Variants in DCDC2 observed in about 807,000 individuals in gnomAD.
The protein encoded by DCDC2 is doublecortin domain-containing protein 2.
Under a neutral mutation model 50.2 loss-of-function variants are expected in DCDC2, and 40 were observed. The observed-to-expected ratio is 0.80, with a 90% CI of 0.62 to 1.04. The LOEUF (loss-of-function observed/expected upper bound fraction) is 1.04. Ranked by LOEUF, DCDC2 falls within the 50% of genes least tolerant of loss-of-function variation. The pLI is 0.00. For synonymous variants in DCDC2, 234 were observed against 210.6 expected (o/e 1.11, Z -0.96); for missense variants, 570 against 581.9 (o/e 0.98, Z 0.21).
At chr6:24,359,603 GAGAA>G (rs1327818182), upstream of DCDC2, among the ~76,000 whole-genome samples, 2 of 127,372 alleles carry the variant, frequency 1.6e-5, no homozygotes, top group South Asian at 2.3e-4. Flanking sequence ...TATTCAGAGA[GAGAA>G]AGAGAGAATC....
the DCDC2 span, among the ~76,000 whole-genome samples, chr6:24,375,316 G>C: frequency 1.3e-5 from 2 of 152,052 alleles, no homozygotes. Context: ...CTTGCTGAGA[G>C]CCTATGAGGC....
the DCDC2 span, among the ~76,000 whole-genome samples, chr6:24,383,093 G>A: frequency 2.0e-5 from 3 of 152,076 alleles, no homozygotes; most frequent in Admixed American, 2.0e-4. Context: ...TTGGGAGGCC[G>A]AGGCAGTGGG....
chr6:24,281,958 T>C (rs1466076228), intron 6 of DCDC2, among the ~76,000 whole-genome samples: 2 of 152,178 alleles, frequency 1.3e-5, no homozygotes, highest in Non-Finnish European at 2.9e-5. Context: ...CTTTCTAATG[T>C]CCAAAGCACT....
At position 24,205,005 on chromosome 6, in the gene DCDC2, A is replaced by T; in HGVS notation, c.1020T>A (p.Asp340Glu). The T allele has an allele frequency of 6.2e-7, 1 of 1,613,116 alleles. No homozygotes were observed. The highest frequency in any genetic ancestry group is 8.5e-7 in the Non-Finnish European group (1 of 1,179,426). ...DEDTQVEVPVDQRPAEIVDEE... is the reference protein window; with the variant it reads ...DEDTQVEVPVEQRPAEIVDEE... ...TTTTTTAAGGCATGGAGATTACCTG[A>T]TCGACTGGAACCTCAACCTGAGTAT... Residue 340 changes from aspartate (D) to glutamate (E), a missense_variant, in exon 8 of 10, where the codon GAT (aspartate) becomes GAA (glutamate). Asp to Glu is a conservative substitution (Grantham distance 45). Coordinates refer to ENST00000378454, the MANE Select transcript of DCDC2 (RefSeq NM_016356.5).
intron 7 of DCDC2, among the ~76,000 whole-genome samples, chr6:24,231,429 T>C (rs1040207481): frequency 7.2e-5 from 11 of 152,180 alleles, no homozygotes; most frequent in African/African-American, 2.7e-4. Flanking sequence ...AAGCTGACTC[T>C]TTCTCTGGAA....
At chr6:24,181,544 G>A (rs1761072488) in intron 8 of DCDC2, among the ~76,000 whole-genome samples, 1 of 152,088 alleles carries the variant, frequency 6.6e-6, no homozygotes, top group Admixed American at 6.6e-5. Context: ...CACTAACAAT[G>A]AACAATCTGG....
intron 2 of DCDC2, among the ~76,000 whole-genome samples, chr6:24,346,463 C>T (rs1386502994): frequency 6.6e-6 from 1 of 152,036 alleles, no homozygotes; most frequent in African/African-American, 2.4e-5. Context: ...TGATAAATTT[C>T]ACCATACACA....
intron 5 of DCDC2, among the ~76,000 whole-genome samples, chr6:24,290,488 T>C (rs1430622834): frequency 6.6e-6 from 1 of 152,230 alleles, no homozygotes. Flanking sequence ...TGTTTTTATA[T>C]TTTACAGTTA....
chr6:24,243,942 G>T (rs746336226), intron 7 of DCDC2, among the ~76,000 whole-genome samples: 11 of 152,172 alleles, frequency 7.2e-5, no homozygotes, highest in Non-Finnish European at 1.5e-4. Context: ...CACGATTTTG[G>T]TTAATATTTC....
At chr6:24,334,191 C>A (rs1760016253) in intron 2 of DCDC2, among the ~76,000 whole-genome samples, 1 of 152,178 alleles carries the variant, frequency 6.6e-6, no homozygotes, top group Non-Finnish European at 1.5e-5. Context: ...AAGTATCATT[C>A]TCTTCTGAAG....
intron 7 of DCDC2, among the ~76,000 whole-genome samples, chr6:24,247,725 T>G (rs568717885): frequency 6.6e-6 from 1 of 152,010 alleles, no homozygotes; most frequent in South Asian, 2.1e-4. Context: ...AGCAACAGAG[T>G]ATGGAGGCAG....
rs147299488 is a variant in DCDC2, at chr6:24,326,809, T to C, written c.349-24765A>G. On this transcript the variant is annotated intron_variant, in intron 2 of 9. Transcript: ENST00000378454. ...GGGAGATCGAGGCTGAAGTGAGCCT[T>C]GATCATGCTACTGCACTCCAGCCTG... Among the ~76,000 whole-genome samples the C allele has an allele frequency of 1.3e-3, 195 of 146,604 alleles. 4 individuals carry two copies. Among genetic ancestry groups the C allele is most frequent in the African/African-American group, 4.2e-3 (172 of 40,794 alleles).
chr6:24,368,955 G>A, the DCDC2 span, among the ~76,000 whole-genome samples: 8 of 152,000 alleles, frequency 5.3e-5, no homozygotes, highest in Non-Finnish European at 8.8e-5. Flanking sequence ...CCAACATGGC[G>A]AAACCCCGTC....
intron 7 of DCDC2, among the ~76,000 whole-genome samples, chr6:24,258,010 G>A (rs1171610751): frequency 1.3e-5 from 2 of 152,140 alleles, no homozygotes; most frequent in African/African-American, 2.4e-5. Flanking sequence ...GGTGTAAGAG[G>A]AGACACGGAG....
intron 7 of DCDC2, among the ~76,000 whole-genome samples, chr6:24,206,733 C>A (rs1761723911): frequency 6.6e-6 from 1 of 151,986 alleles, no homozygotes. Flanking sequence ...TCGATAACAA[C>A]AAATAAAATA....
chr6:24,315,243 C>T (rs998578058), intron 2 of DCDC2, among the ~76,000 whole-genome samples: 9 of 151,048 alleles, frequency 6.0e-5, no homozygotes, highest in African/African-American at 2.0e-4. Flanking sequence ...AGCTCCTTAG[C>T]GAAGCACTTA....
At chr6:24,200,997 T>G (rs926737460) in intron 8 of DCDC2, among the ~76,000 whole-genome samples, 20 of 152,058 alleles carry the variant, frequency 1.3e-4, no homozygotes, top group African/African-American at 4.6e-4. Context: ...GCACCAAGAT[T>G]CATAAAGCAA....
chr6:24,198,700 A>G (rs1385850828), intron 8 of DCDC2, among the ~76,000 whole-genome samples: 4 of 152,134 alleles, frequency 2.6e-5, no homozygotes, highest in African/African-American at 7.2e-5. Flanking sequence ...CAGGGAGCCA[A>G]GTGGTCTAGC....
intron 7 of DCDC2, among the ~76,000 whole-genome samples, chr6:24,271,631 C>T (rs1225256492): frequency 6.6e-6 from 1 of 152,194 alleles, no homozygotes; most frequent in Non-Finnish European, 1.5e-5. Context: ...GGCAGTTCTG[C>T]ATCCTACGAC....
Sources: gnomAD v4.1 joint callset for allele counts (sites outside exome capture counted in the v4.1 genomes callset) on GRCh38, gnomAD v4.1.1 for gene constraint, MANE v1.5 for transcripts, NCBI Gene and HGNC (gene_info 2026-07-23, HGNC 2026-07-21) for gene names.